The following DAB1 variants were observed in gnomAD, a reference collection of about 807,000 sequenced individuals.
DAB1 encodes the protein DAB adaptor protein 1.
Under a neutral mutation model 64.6 loss-of-function variants are expected in DAB1, and 15 were observed. The observed-to-expected ratio is 0.23, with a 90% CI of 0.16 to 0.36. DAB1 has a LOEUF of 0.36. Ranked by LOEUF, DAB1 falls within the 10% of genes least tolerant of loss-of-function variation. The pLI is 1.00. For synonymous variants in DAB1, 235 were observed against 251.9 expected (o/e 0.93, Z 0.64); for missense variants, 596 against 706.7 (o/e 0.84, Z 1.78).
chr1:58,092,872 G>A (rs1650752117), intron 5 of DAB1, among the ~76,000 whole-genome samples: 1 of 152,122 alleles, frequency 6.6e-6, no homozygotes, highest in African/African-American at 2.4e-5. Flanking sequence ...CCTAGATGAA[G>A]TTTCTAACTG....
intron 2 of DAB1, among the ~76,000 whole-genome samples, chr1:57,273,545 GCCTGCCTGCCTTCCTTCCTTCCTT>G (rs1558066702): frequency 1.9e-4 from 14 of 71,830 alleles, no homozygotes; most frequent in South Asian, 6.1e-4. Flanking sequence ...CTGCCTGCCT[GCCTGCCTGCCTTCCTTCCTTCCTT>G]CCTTCCTTCC....
chr1:57,354,852 C>A (rs1393744509), intron 1 of DAB1, among the ~76,000 whole-genome samples: 1 of 152,030 alleles, frequency 6.6e-6, no homozygotes, highest in Non-Finnish European at 1.5e-5. Context: ...GGACTGCAAG[C>A]TGTGATTAAA....
At chr1:57,413,537 C>T (rs376324347) in intron 1 of DAB1, among the ~76,000 whole-genome samples, 7 of 151,802 alleles carry the variant, frequency 4.6e-5, no homozygotes, top group Non-Finnish European at 7.4e-5. Context: ...GTCAGGAGAT[C>T]GAGACCATCA....
chr1:57,938,407 G>A (rs1645057612), intron 5 of DAB1, among the ~76,000 whole-genome samples: 1 of 152,052 alleles, frequency 6.6e-6, no homozygotes, highest in African/African-American at 2.4e-5. Context: ...ATGTATCTAG[G>A]GAGACCTAGT....
intron 3 of DAB1, among the ~76,000 whole-genome samples, chr1:58,427,115 T>C (rs1644828787): frequency 6.6e-6 from 1 of 151,618 alleles, no homozygotes. Flanking sequence ...TGGAGTAGAG[T>C]GCAGTGAGGA....
chr1:57,442,505 G>A (rs573911893), intron 7 of DAB1, among the ~76,000 whole-genome samples: 1 of 152,136 alleles, frequency 6.6e-6, no homozygotes, highest in Admixed American at 6.5e-5. Flanking sequence ...TAAGACATTG[G>A]TACTTATTGT....
At chr1:57,982,374 A>G (rs979063985) in intron 5 of DAB1, among the ~76,000 whole-genome samples, 30 of 152,180 alleles carry the variant, frequency 2.0e-4, no homozygotes, top group African/African-American at 6.8e-4. Flanking sequence ...CATATATTTG[A>G]CATTAATAGT....
At chr1:57,782,013 C>T (rs1650125289) in intron 6 of DAB1, among the ~76,000 whole-genome samples, 1 of 152,102 alleles carries the variant, frequency 6.6e-6, no homozygotes, top group Admixed American at 6.6e-5. Context: ...TTCACTAATT[C>T]TACACACGGC....
At chr1:57,016,934 G>T (rs533085601) in intron 11 of DAB1, among the ~76,000 whole-genome samples, 1 of 152,234 alleles carries the variant, frequency 6.6e-6, no homozygotes, top group South Asian at 2.1e-4. Context: ...TCAAGGAAAA[G>T]CAACTTGCTC....
chr1:58,017,994 T>A (rs923530371), intron 5 of DAB1, among the ~76,000 whole-genome samples: 1 of 152,224 alleles, frequency 6.6e-6, no homozygotes, highest in Non-Finnish European at 1.5e-5. Flanking sequence ...TAAGCCATTT[T>A]CAGACAATAA....
intron 5 of DAB1, among the ~76,000 whole-genome samples, chr1:58,126,997 T>C (rs1653150131): frequency 6.7e-6 from 1 of 150,132 alleles, no homozygotes; most frequent in Non-Finnish European, 1.5e-5. Context: ...CTGGGTCAAA[T>C]GGTATTTCTA....
chr1:58,077,581 G>A (rs369953274), intron 5 of DAB1, among the ~76,000 whole-genome samples: 2 of 152,316 alleles, frequency 1.3e-5, no homozygotes, highest in Non-Finnish European at 1.5e-5. Context: ...CAACAGGTCT[G>A]GAGAAGAAAA....
chr1:57,097,325 G>A (rs904428750), intron 4 of DAB1, among the ~76,000 whole-genome samples: 8 of 152,110 alleles, frequency 5.3e-5, no homozygotes, highest in Admixed American at 2.6e-4. Context: ...TACCATCTGG[G>A]CTGGCAGGGC....
chr1:57,433,371 G>T (rs979048508), intron 7 of DAB1, among the ~76,000 whole-genome samples: 1 of 151,942 alleles, frequency 6.6e-6, no homozygotes, highest in African/African-American at 2.4e-5. Flanking sequence ...ACAAAATAGA[G>T]AATACAGAAA....
At chr1:57,591,376 A>T (rs1645443792) in intron 7 of DAB1, among the ~76,000 whole-genome samples, 2 of 152,234 alleles carry the variant, frequency 1.3e-5, no homozygotes, top group African/African-American at 4.8e-5. Flanking sequence ...GAAAATCAAT[A>T]TTATCTCCTT....
chr1:58,391,901 G>A (rs1644479038), intron 3 of DAB1, among the ~76,000 whole-genome samples: 1 of 152,216 alleles, frequency 6.6e-6, no homozygotes, highest in Non-Finnish European at 1.5e-5. Context: ...TATAACTGTA[G>A]TAGAAACTGG....
chr1:57,232,395 T>A (rs1376512963), intron 2 of DAB1, among the ~76,000 whole-genome samples: 1 of 151,736 alleles, frequency 6.6e-6, no homozygotes, highest in Non-Finnish European at 1.5e-5. Context: ...TATTTATTCA[T>A]TCAATCAGTC....
At position 57,188,493 on chromosome 1, in the gene DAB1, T is replaced by A. The variant is rs188847392; in HGVS notation, c.68-43064A>T. 1.2e-3 allele frequency among the ~76,000 whole-genome samples: 183 copies of A among 152,324 alleles called. 3 individuals are homozygous for A. The highest frequency in any genetic ancestry group is 7.3e-5 in the Non-Finnish European group (5 of 68,032). On this transcript the variant is annotated intron_variant, in intron 2 of 14. Transcript: ENST00000371236. ...GACCAGAATTTGGCTCTCAGCTAAT[T>A]GCAGAGTGTTTCAAAATGACCCAGA...
intron 3 of DAB1, among the ~76,000 whole-genome samples, chr1:58,464,627 G>C (rs888246084): frequency 5.3e-5 from 8 of 152,158 alleles, no homozygotes; most frequent in African/African-American, 1.9e-4. Context: ...ATCGGATATA[G>C]CATCAATATA....
Sources: allele counts gnomAD v4.1 joint callset (sites outside exome capture counted in the v4.1 genomes callset), GRCh38; gene constraint gnomAD v4.1.1; transcripts MANE v1.5; gene names NCBI Gene and HGNC (gene_info 2026-07-23, HGNC 2026-07-21).